PDE3A: variants seen among roughly 807,000 people sequenced by gnomAD.
The protein encoded by PDE3A is cGMP-inhibited 3',5'-cyclic phosphodiesterase 3A.
A neutral mutation model predicts 98.3 loss-of-function variants in PDE3A; 43 were observed. The observed-to-expected ratio is 0.44, with a 90% CI of 0.34 to 0.56. The LOEUF (loss-of-function observed/expected upper bound fraction) is 0.56. PDE3A is among the 20% of genes least tolerant of loss of function. PDE3A has a pLI of 0.01. For missense variants in PDE3A, 1,427 were observed against 1,440.7 expected, an observed-to-expected ratio of 0.99 and a Z score of 0.15; for synonymous variants, 663 against 567.9, an observed-to-expected ratio of 1.17 and a Z score of -2.38.
intron 1 of PDE3A, among the ~76,000 whole-genome samples, chr12:20,549,528 G>T (rs1242179612): frequency 2.0e-5 from 3 of 151,780 alleles, no homozygotes; most frequent in Admixed American, 2.0e-4. Flanking sequence ...GAAATATCCT[G>T]TTTACTTCCT....
At position 20,369,773 on chromosome 12, in the gene PDE3A, G is replaced by T; in HGVS notation, c.489G>T (p.Leu163=). The T allele has an allele frequency of 6.2e-7, 1 of 1,612,588 alleles. No homozygotes were observed. The highest frequency in any genetic ancestry group is 1.1e-5 in the South Asian group (1 of 91,016). The part of the protein sequence containing the change: ...AGVRLPLAVA[L]LAACCGGEAL... The stretch of plus-strand genomic sequence containing the variant: ...TGCGCCTGCCTCTGGCTGTCGCGCT[G>T]CTGGCCGCCTGCTGCGGGGGGGAAG... Residue 163 remains leucine (L), a synonymous_variant, in exon 1 of 16, where the codon CTG becomes CTT. Coordinates refer to ENST00000359062, the MANE Select transcript of PDE3A (RefSeq NM_000921.5).
chr12:20,664,022 TATA>T (rs943450973), intron 15 of PDE3A, among the ~76,000 whole-genome samples: 3 of 152,092 alleles, frequency 2.0e-5, no homozygotes, highest in Non-Finnish European at 2.9e-5. Context: ...CTGTTCTTGT[TATA>T]ATGAGTTCTT....
intron 12 of PDE3A, 70 bp from the exon 13 acceptor site, chr12:20,648,618 T>C (rs995490981): frequency 5.2e-6 from 5 of 956,458 alleles, no homozygotes; most frequent in Non-Finnish European, 8.5e-6. Context: ...TTCAAAAGCA[T>C]TGCATATTCT....
chr12:20,424,793 A>G (rs1944577259), intron 1 of PDE3A, among the ~76,000 whole-genome samples: 1 of 152,218 alleles, frequency 6.6e-6, no homozygotes, highest in South Asian at 2.1e-4. Flanking sequence ...AAAGAACAAT[A>G]TCAACAGTAG....
At chr12:20,664,814 T>C (rs1219878752) in intron 15 of PDE3A, among the ~76,000 whole-genome samples, 1 of 152,128 alleles carries the variant, frequency 6.6e-6, no homozygotes, top group Non-Finnish European at 1.5e-5. Flanking sequence ...CAGTCTCAGG[T>C]ATGTCTTTAT....
chr12:20,601,276 T>G (rs943324889), intron 2 of PDE3A, among the ~76,000 whole-genome samples: 1 of 152,164 alleles, frequency 6.6e-6, no homozygotes, highest in Non-Finnish European at 1.5e-5. Context: ...TTTGGCTTGC[T>G]TTCGTTTCTG....
intron 1 of PDE3A, among the ~76,000 whole-genome samples, chr12:20,474,858 C>T (rs1488633677): frequency 1.3e-5 from 2 of 152,174 alleles, no homozygotes; most frequent in East Asian, 3.9e-4. Context: ...GTCTCATCCG[C>T]AAATTCCCTT....
intron 1 of PDE3A, among the ~76,000 whole-genome samples, chr12:20,376,642 A>G (rs1470607796): frequency 2.0e-5 from 3 of 151,876 alleles, no homozygotes; most frequent in Non-Finnish European, 4.4e-5. Flanking sequence ...TAGATTTTCA[A>G]TATGTTTATT....
In PDE3A at chr12:20,369,005, AG is replaced by A. The variant is rs1411083616; in HGVS notation, c.-276del. On this transcript the variant is annotated 5_prime_UTR_variant, in exon 1 of 16. Coordinates refer to ENST00000359062, the MANE Select transcript of PDE3A (RefSeq NM_000921.5). Reference sequence around the variant, plus strand: ...TGTGAAAGATATTCAAAGAGAGAAAAGGGGAATCCTGATCGTTTCTGCCCGT... The same window carrying A: ...TGTGAAAGATATTCAAAGAGAGAAAAGGGAATCCTGATCGTTTCTGCCCGT... 6.6e-6 allele frequency among the ~76,000 whole-genome samples: 1 copy of A among 152,190 alleles called. No homozygotes were observed. The highest frequency in any genetic ancestry group is 1.5e-5 in the Non-Finnish European group (1 of 68,036).
chr12:20,369,203 GT>G lies in PDE3A; in HGVS notation c.-81del. On this transcript the variant is annotated 5_prime_UTR_variant, in exon 1 of 16. Coordinates refer to ENST00000359062, the MANE Select transcript of PDE3A (RefSeq NM_000921.5). ...AGAGCGTGCGTGCGTGTGTGTGTGT[GT>G]GTGTGTGCGCGCGCGCGCGTGGGTC... 1.1e-6 allele frequency: 1 copy of G among 879,880 alleles called. No individual in the cohort carries two copies. The highest frequency in any genetic ancestry group is 1.7e-6 in the Non-Finnish European group (1 of 583,134). 54.5% of individuals were successfully genotyped at this position (879,880 alleles called of 1,614,324 possible).
chr12:20,634,685 A>C (rs1393011945), intron 7 of PDE3A, among the ~76,000 whole-genome samples: 1 of 152,134 alleles, frequency 6.6e-6, no homozygotes, highest in East Asian at 1.9e-4. Context: ...GGGTTATTGA[A>C]TGTCATGCGG....
At chr12:20,375,822 A>G (rs575139379) in intron 1 of PDE3A, among the ~76,000 whole-genome samples, 1 of 152,102 alleles carries the variant, frequency 6.6e-6, no homozygotes, top group Non-Finnish European at 1.5e-5. Context: ...AGAAATGCAT[A>G]TAATAACTTG....
intron 1 of PDE3A, among the ~76,000 whole-genome samples, chr12:20,495,927 T>C (rs1945911346): frequency 6.6e-6 from 1 of 152,252 alleles, no homozygotes; most frequent in Non-Finnish European, 1.5e-5. Context: ...GAGGAGTTTG[T>C]TGAATTTCTG....
chr12:20,559,707 G>A (rs1053749999), intron 2 of PDE3A, among the ~76,000 whole-genome samples: 3 of 151,710 alleles, frequency 2.0e-5, no homozygotes, highest in African/African-American at 7.3e-5. Context: ...AAGTGAGATA[G>A]GATTTAGGTG....
chr12:20,591,483 A>G (rs1409416514), intron 2 of PDE3A, among the ~76,000 whole-genome samples: 1 of 152,254 alleles, frequency 6.6e-6, no homozygotes, highest in Non-Finnish European at 1.5e-5. Context: ...TTGTTCCAGA[A>G]TACAATTACA....
At chr12:20,521,065 G>T (rs952084288) in intron 1 of PDE3A, among the ~76,000 whole-genome samples, 1 of 151,674 alleles carries the variant, frequency 6.6e-6, no homozygotes, top group Non-Finnish European at 1.5e-5. Context: ...AGTGCCATTC[G>T]TTTTATTTGT....
At chr12:20,370,283 T>C (rs951436876) in intron 1 of PDE3A, 39 bp downstream of exon 1, 5 of 1,481,698 alleles carry the variant, frequency 3.4e-6, no homozygotes, top group South Asian at 1.5e-5. Flanking sequence ...CTTGGAAACT[T>C]GAAACACTTG....
intron 1 of PDE3A, among the ~76,000 whole-genome samples, chr12:20,386,669 A>G (rs1453033507): frequency 6.6e-6 from 1 of 151,926 alleles, no homozygotes; most frequent in Non-Finnish European, 1.5e-5. Context: ...TTCCTTGTAG[A>G]TTCTGGATAT....
At chr12:20,633,917 C>T in intron 7 of PDE3A, 139 bp downstream of exon 7, 1 of 548,450 alleles carries the variant, frequency 1.8e-6, no homozygotes. Context: ...TCAGGTCGGT[C>T]TCAAACTCCT....
Sources: gnomAD v4.1 joint callset for allele counts (sites outside exome capture counted in the v4.1 genomes callset) on GRCh38, gnomAD v4.1.1 for gene constraint, MANE v1.5 for transcripts, NCBI Gene and HGNC (gene_info 2026-07-23, HGNC 2026-07-21) for gene names.